TBC1D32: variants seen among roughly 807,000 people sequenced by gnomAD.
TBC1D32 encodes TBC1 domain family member 32, also known as protein broad-minded.
TBC1D32 carries 151 observed loss-of-function variants against 170.3 expected under a neutral mutation model. That is an observed-to-expected ratio of 0.89 (90% confidence interval 0.78 to 1.01). TBC1D32 has a LOEUF of 1.01. TBC1D32 is among the 50% of genes least tolerant of loss of function. TBC1D32 has a pLI of 0.00. For synonymous variants in TBC1D32, 498 were observed against 488.0 expected (o/e 1.02, Z -0.27); for missense variants, 1,464 against 1,457.1 (o/e 1.00, Z -0.08).
intron 9 of TBC1D32, among the ~76,000 whole-genome samples, chr6:121,301,149 A>G (rs1359033960): frequency 6.6e-6 from 1 of 152,200 alleles, no homozygotes; most frequent in Admixed American, 6.5e-5. Flanking sequence ...TCAAGGATCT[A>G]GAACTAGAAA....
chr6:121,267,516 C>T (rs1165873538), intron 15 of TBC1D32, among the ~76,000 whole-genome samples: 2 of 152,124 alleles, frequency 1.3e-5, no homozygotes, highest in South Asian at 2.1e-4. Context: ...GCCTCCCTCA[C>T]GGCTAGCACA....
intron 26 of TBC1D32, among the ~76,000 whole-genome samples, chr6:121,125,284 T>C (rs1163674641): frequency 1.3e-5 from 2 of 152,242 alleles, no homozygotes; most frequent in South Asian, 2.1e-4. Context: ...AGGCCTGAGA[T>C]TGACATAGCT....
intron 17 of TBC1D32, among the ~76,000 whole-genome samples, chr6:121,244,218 A>C (rs1241473910): frequency 2.0e-5 from 3 of 152,044 alleles, no homozygotes; most frequent in Non-Finnish European, 4.4e-5. Flanking sequence ...CAAGTAAAAA[A>C]GTATTGTTAT....
chr6:121,086,096 G>A (rs886775794), intron 31 of TBC1D32, among the ~76,000 whole-genome samples: 2 of 152,022 alleles, frequency 1.3e-5, no homozygotes, highest in Non-Finnish European at 2.9e-5. Context: ...TGTTAACAAA[G>A]AAATAAGAAG....
chr6:121,254,615 C>T (rs1354204557), intron 17 of TBC1D32, among the ~76,000 whole-genome samples: 1 of 29,386 alleles, frequency 3.4e-5, no homozygotes, highest in Non-Finnish European at 1.2e-4. Flanking sequence ...ATGCAGAAGG[C>T]TTTTTGATTG....
chr6:121,332,499 G>T (rs80236532), intron 1 of TBC1D32, among the ~76,000 whole-genome samples: 196 of 152,108 alleles, frequency 1.3e-3, no homozygotes, highest in African/African-American at 4.5e-3. Flanking sequence ...AAGATAACAG[G>T]ATATTCATGA....
intron 21 of TBC1D32, among the ~76,000 whole-genome samples, chr6:121,214,429 T>C (rs775365818): frequency 5.3e-5 from 8 of 152,062 alleles, no homozygotes; most frequent in Non-Finnish European, 7.4e-5. Flanking sequence ...GAGGGTTATG[T>C]GTGTGAGTGA....
At chr6:121,229,716 GA>G (rs1419844805) in intron 20 of TBC1D32, among the ~76,000 whole-genome samples, 1 of 152,078 alleles carries the variant, frequency 6.6e-6, no homozygotes, top group African/African-American at 2.4e-5. Flanking sequence ...GATAATTCAT[GA>G]AAAAGAGGCA....
chr6:121,120,053 T>A (rs1780098349), intron 26 of TBC1D32, among the ~76,000 whole-genome samples: 1 of 151,996 alleles, frequency 6.6e-6, no homozygotes, highest in Non-Finnish European at 1.5e-5. Context: ...GCCAAAAAAA[T>A]ACTTGATAAA....
In TBC1D32 at chr6:121,198,779, A is replaced by C. The variant is rs551486550; in HGVS notation, c.2570+6296T>G. Among the ~76,000 whole-genome samples, 8 of 151,388 alleles carry C rather than the reference A, an allele frequency of 5.3e-5. 1 individual carries two copies. Among genetic ancestry groups the C allele is most frequent in the Admixed American group, 1.3e-4 (2 of 15,234 alleles). On this transcript the variant is annotated intron_variant, in intron 22 of 31. Coordinates refer to ENST00000398212, the MANE Select transcript of TBC1D32 (RefSeq NM_152730.6). The stretch of plus-strand genomic sequence containing the variant: ...AAATAAAAAATAAAAAAAAGAAGTG[A>C]TCATCGAAGGCACTGTAGATAAAAT...
chr6:121,101,896 G>C (rs191412011), intron 30 of TBC1D32, among the ~76,000 whole-genome samples: 2 of 152,070 alleles, frequency 1.3e-5, no homozygotes, highest in South Asian at 4.2e-4. Flanking sequence ...AAAGTCTCAG[G>C]ATACAAAATC....
At chr6:121,213,341 C>T (rs986960101) in intron 21 of TBC1D32, among the ~76,000 whole-genome samples, 6 of 151,934 alleles carry the variant, frequency 3.9e-5, no homozygotes, top group Non-Finnish European at 8.8e-5. Flanking sequence ...TGATAAACAA[C>T]TTCAGAAAAG....
rs754328227 is a variant in TBC1D32, at chr6:121,241,526, A to G, written c.2184T>C (p.Tyr728=). 1 of 1,613,570 alleles carries G rather than the reference A, an allele frequency of 6.2e-7. No individual in the cohort carries two copies. Among genetic ancestry groups the G allele is most frequent in the South Asian group, 1.1e-5 (1 of 91,006 alleles). The change falls in exon 19 of 32, where the codon TAT becomes TAC. Residue 728 remains tyrosine, a synonymous_variant. Coordinates refer to ENST00000398212, the MANE Select transcript of TBC1D32 (RefSeq NM_152730.6). ...ATGCCACTCGTGTAACCAAAACTCC[A>G]TAGCCAAATTTTTTATGCCTGCTGA... ...LQVSRHKKFG[Y]GVLVTRVAST...
At chr6:121,181,628 T>G (rs1234504340) in intron 22 of TBC1D32, among the ~76,000 whole-genome samples, 1 of 151,980 alleles carries the variant, frequency 6.6e-6, no homozygotes, top group East Asian at 1.9e-4. Context: ...CTGCTGGGTA[T>G]ATATGCAAAG....
At chr6:121,269,165 C>A (rs1800984874) in intron 15 of TBC1D32, among the ~76,000 whole-genome samples, 1 of 152,090 alleles carries the variant, frequency 6.6e-6, no homozygotes, top group Admixed American at 6.6e-5. Flanking sequence ...AACATGCCAA[C>A]TTGTACAGAC....
At chr6:121,219,419 G>C (rs1157632498) in intron 21 of TBC1D32, among the ~76,000 whole-genome samples, 1 of 152,130 alleles carries the variant, frequency 6.6e-6, no homozygotes, top group Non-Finnish European at 1.5e-5. Flanking sequence ...TTTTCCGTAA[G>C]TGGAAAGATA....
intron 22 of TBC1D32, among the ~76,000 whole-genome samples, chr6:121,204,190 C>T (rs1177598027): frequency 6.6e-6 from 1 of 151,192 alleles, no homozygotes; most frequent in Admixed American, 6.6e-5. Context: ...TGTGAAAACA[C>T]ATTTTGAGAT....
chr6:121,234,345 C>T (rs571046200), intron 20 of TBC1D32, among the ~76,000 whole-genome samples: 2 of 152,236 alleles, frequency 1.3e-5, no homozygotes, highest in African/African-American at 2.4e-5. Context: ...CTAGGGAACA[C>T]CAATTATTCT....
chr6:121,103,838 T>C (rs1467708965), intron 30 of TBC1D32, among the ~76,000 whole-genome samples: 2 of 151,938 alleles, frequency 1.3e-5, no homozygotes, highest in Non-Finnish European at 1.5e-5. Flanking sequence ...CTCAGGAAGA[T>C]ACTGTTCCCA....
Sources: gnomAD v4.1 joint callset for allele counts (sites outside exome capture counted in the v4.1 genomes callset) on GRCh38, gnomAD v4.1.1 for gene constraint, MANE v1.5 for transcripts, NCBI Gene and HGNC (gene_info 2026-07-23, HGNC 2026-07-21) for gene names.